The following ZNF219 variants were observed in gnomAD, a reference collection of about 807,000 sequenced individuals.
ZNF219 encodes zinc finger protein 219.
A neutral mutation model predicts 54.4 loss-of-function variants in ZNF219; 17 were observed. That is an observed-to-expected ratio of 0.31 (90% CI 0.21 to 0.47). The LOEUF (loss-of-function observed/expected upper bound fraction) is 0.47, where lower values mean the gene tolerates loss of function less well. Ranked by LOEUF, ZNF219 falls within the 20% of genes least tolerant of loss-of-function variation. The pLI, the probability that ZNF219 is intolerant of heterozygous loss-of-function variation, is 1.00. For synonymous variants in ZNF219, 518 were observed against 476.4 expected, an observed-to-expected ratio of 1.09 and a Z score of -1.14; for missense variants, 1,014 against 1,062.3, an observed-to-expected ratio of 0.95 and a Z score of 0.63.
chr14:21,100,943 G>C (rs1889591094), upstream of ZNF219: 1 of 163,044 alleles, frequency 6.1e-6, no homozygotes, highest in Non-Finnish European at 1.3e-5. Flanking sequence ...TGAGGGTAAT[G>C]AGAAATGGGA....
chr14:21,093,208 G>A lies in ZNF219; in HGVS notation c.89C>T (p.Ser30Phe), dbSNP rs1189016881. The A allele has an allele frequency of 1.2e-6, 2 of 1,606,360 alleles. No individual in the cohort carries two copies. Among genetic ancestry groups the A allele is most frequent in the Non-Finnish European group, 1.7e-6 (2 of 1,179,448 alleles). ...FDGELDLQRY[S>F]NGPAVSAGSL... ...CCCTGCGCTCACGGCTGGCCCGTTG[G>A]AGTATCGCTGCAGATCCAGCTCGCC... Residue 30 changes from serine (S) to phenylalanine (F), a missense_variant, in exon 3 of 5, where the codon TCC becomes TTC. By Grantham distance (155) the Ser-to-Phe change is radical. Coordinates refer to ENST00000360947, the MANE Select transcript of ZNF219 (RefSeq NM_016423.3).
chr14:21,094,726 T>TGGGGGGGGGG (rs10687101), intron 1 of ZNF219, among the ~76,000 whole-genome samples: 5 of 5,896 alleles, frequency 8.5e-4, no homozygotes, highest in South Asian at 4.4e-3. Context: ...GGATAGGGGT[T>TGGGGGGGGGG]GGGGGGGGGG....
intron 3 of ZNF219, 143 bp downstream of exon 3, chr14:21,091,722 C>A: frequency 6.9e-7 from 1 of 1,441,702 alleles, no homozygotes; most frequent in East Asian, 2.5e-5. Flanking sequence ...GGCAAAGCCT[C>A]CAGGAAAACA....
chr14:21,095,847 T>C (rs1167545913), intron 1 of ZNF219, among the ~76,000 whole-genome samples: 1 of 151,948 alleles, frequency 6.6e-6, no homozygotes, highest in Non-Finnish European at 1.5e-5. Flanking sequence ...TAATAGAAAA[T>C]AGATGTAACT....
At position 21,091,149 on chromosome 14, in the gene ZNF219, AGT is replaced by A. The variant is rs768303164; in HGVS notation, c.1565-11_1565-10del. 32 of 1,594,736 alleles carry A rather than the reference AGT, an allele frequency of 2.0e-5. No individual in the cohort carries two copies. Among genetic ancestry groups the A allele is most frequent in the Non-Finnish European group, 2.7e-5 (32 of 1,175,518 alleles). On this transcript the variant is annotated splice_polypyrimidine_tract_variant and intron_variant, in intron 4 of 4. Transcript: ENST00000360947. ...CTTGTAGGGCCGCTCGCCTGGGGAG[AGT>A]GGGTGCGATAGGGTCACGGGGTCAC...
chr14:21,090,555 A>C lies in ZNF219; in HGVS notation c.2150T>G (p.Leu717Arg), dbSNP rs768440730. Residue 717 changes from leucine (L) to arginine (R), a missense_variant, in exon 5 of 5, where the codon CTG (leucine) becomes CGG (arginine). Physicochemically the swap from Leu to Arg is moderately radical, Grantham distance 102. Around this residue, in one of 5 missense-constraint regions of ZNF219, gnomAD observed 281 missense variants for 271.2 expected, o/e 1.04. Transcript: ENST00000360947. This position sits in a 1 kb window ranked among gnomAD's most constrained non-coding sequence, Gnocchi z 4.4. Reference protein sequence around the residue: ...SGLSRPGEAGLGGQER With the variant: ...SGLSRPGEAGRGGQER ...GGCCCACTACCGTTCTTGCCCCCCC[A>C]GCCCTGCCTCTCCGGGTCTGGACAG... The C allele has an allele frequency of 6.9e-6, 11 of 1,599,220 alleles. No individual in the cohort carries two copies. In the South Asian group the frequency reaches 9.9e-5, roughly 14 times the overall value.
upstream of ZNF219, chr14:21,103,567 C>T (rs1428984695): frequency 6.3e-6 from 2 of 315,636 alleles, no homozygotes; most frequent in African/African-American, 2.2e-5. Context: ...CACTCCAAAT[C>T]CCGGACCCTG....
chr14:21,092,573 A>C lies in ZNF219; in HGVS notation c.724T>G (p.Ser242Ala). The C allele has an allele frequency of 6.5e-7, 1 of 1,547,040 alleles. No individual in the cohort carries two copies. The highest frequency in any genetic ancestry group is 8.7e-7 in the Non-Finnish European group (1 of 1,146,476). Residue 242 changes from serine to alanine, a missense_variant, in exon 3 of 5, where the codon TCA becomes GCA. Physicochemically the swap from Ser to Ala is moderately conservative, Grantham distance 99 (BLOSUM62 1). Around this residue, in one of 5 missense-constraint regions of ZNF219, gnomAD observed 395 missense variants for 415.1 expected, o/e 0.95. Transcript: ENST00000360947. ...PQPPPQPEPR[S>A]VPQPEPEPEP... ...GGCTCCGGCTCCGGCTGGGGGACTGATCTGGGTTCGGGCTGGGGTGGAGGC... is the reference window on the plus strand; with the variant it reads ...GGCTCCGGCTCCGGCTGGGGGACTGCTCTGGGTTCGGGCTGGGGTGGAGGC...
upstream of ZNF219, chr14:21,103,045 G>A (rs1889746476): frequency 2.6e-6 from 4 of 1,537,878 alleles, no homozygotes; most frequent in Admixed American, 3.9e-5. Context: ...TGGGAAACAG[G>A]ATAGAAAATT....
chr14:21,094,533 A>G (rs1371934819), intron 1 of ZNF219: 3 of 391,960 alleles, frequency 7.7e-6, no homozygotes, highest in African/African-American at 6.4e-5. Flanking sequence ...GGAGGATTAC[A>G]CTGGCTCTGA....
At chr14:21,093,387 G>A in intron 2 of ZNF219, 97 bp from the exon 3 acceptor site, 1 of 1,491,938 alleles carries the variant, frequency 6.7e-7, no homozygotes, top group Non-Finnish European at 8.9e-7. Context: ...CACGAGGGAA[G>A]GTGGGCTGGG....
chr14:21,093,102 G>T lies in ZNF219; in HGVS notation c.195C>A (p.Arg65=). Residue 65 remains arginine (R), a synonymous_variant, in exon 3 of 5, where the codon CGC becomes CGA. Transcript: ENST00000360947. ...AAGCAAGGATAGAGTTGAAGCGGAA[G>T]CGCTTCCCGCATACAGGGCAGGGGA... ...RRFPCPVCGK[R]FRFNSILALH... is the part of the protein sequence containing the mutation. The T allele has an allele frequency of 6.2e-7, 1 of 1,608,310 alleles. No homozygotes were observed.
At chr14:21,100,189 G>A (rs191417332), upstream of ZNF219, among the ~76,000 whole-genome samples, 32 of 152,090 alleles carry the variant, frequency 2.1e-4, no homozygotes, top group Admixed American at 9.8e-4. Flanking sequence ...ATTGTGAGAC[G>A]ACCCTGTCTC....
rs1374459654 is a variant in ZNF219 at position 21,092,544 on chromosome 14, C to T, written c.753G>A (p.Glu251=). The part of the protein sequence containing the change: ...RSVPQPEPEP[E]PEREATPTPA... The stretch of plus-strand genomic sequence containing the variant: ...GGGTCGGGGTTGCCTCACGTTCGGG[C>T]TCCGGCTCCGGCTCCGGCTGGGGGA... The change falls in exon 3 of 5, where the codon GAG becomes GAA. Residue 251 remains glutamate (E), a synonymous_variant. Coordinates refer to ENST00000360947, the MANE Select transcript of ZNF219 (RefSeq NM_016423.3). 14 of 1,545,866 alleles carry T rather than the reference C, an allele frequency of 9.1e-6. No individual in the cohort carries two copies. In the East Asian group the frequency reaches 2.9e-4, roughly 32 times the overall value.
Position 21,092,287 on chromosome 14 carries a change from G to T in ZNF219, c.1010C>A (p.Ala337Asp). 1 of 1,510,314 alleles carries T rather than the reference G, an allele frequency of 6.6e-7. No homozygotes were observed. The highest frequency in any genetic ancestry group is 8.8e-7 in the Non-Finnish European group (1 of 1,131,412). 93.6% of individuals were successfully genotyped at this position (1,510,314 alleles called of 1,614,324 possible). The change falls in exon 3 of 5, where the codon GCC becomes GAC. Residue 337 changes from alanine to aspartate, a missense_variant. Ala to Asp is a moderately radical substitution (Grantham distance 126). Transcript: ENST00000360947. ...KLGPLRAPGPASGPARAPQPP... is the reference protein window; with the variant it reads ...KLGPLRAPGPDSGPARAPQPP... ...CTGGGGGGCGCGGGCAGGCCCGGAG[G>T]CAGGCCCCGGGGCACGCAGTGGGCC...
chr14:21,091,589 C>G, intron 3 of ZNF219, 47 bp from the exon 4 acceptor site: 1 of 1,564,116 alleles, frequency 6.4e-7, no homozygotes, highest in South Asian at 1.2e-5. Context: ...CACACCCTGT[C>G]CAGGTGCCGC....
rs759452161 is a variant in ZNF219, at chr14:21,091,530, A to C, written c.1445T>G (p.Leu482Arg). 6.2e-7 allele frequency: 1 copy of C among 1,602,170 alleles called. No individual in the cohort carries two copies. Among genetic ancestry groups the C allele is most frequent in the South Asian group, 1.1e-5 (1 of 90,816 alleles). Residue 482 changes from leucine to arginine, a missense_variant, in exon 4 of 5, where the codon CTG (leucine) becomes CGG (arginine). Coordinates refer to ENST00000360947, the MANE Select transcript of ZNF219 (RefSeq NM_016423.3). ...TTCAGGCCGGGTCCCTCCAACCAAC[A>C]GCCCATTCTCTTCTGCAACACATAC... ...RSTATQEENG[L>R]LVGGTRPEGG...
At chr14:21,093,386 A>T in intron 2 of ZNF219, 96 bp from the exon 3 acceptor site, 1 of 1,496,670 alleles carries the variant, frequency 6.7e-7, no homozygotes, top group South Asian at 1.3e-5. Context: ...ACACGAGGGA[A>T]GGTGGGCTGG....
At chr14:21,099,077 C>G, upstream of ZNF219, 2 of 277,840 alleles carry the variant, frequency 7.2e-6, no homozygotes, top group Non-Finnish European at 1.4e-5. Flanking sequence ...TTTAATGGCT[C>G]TTCAATACAA....
Sources: gnomAD v4.1 joint callset for allele counts (sites outside exome capture counted in the v4.1 genomes callset) on GRCh38, gnomAD v4.1.1 for gene constraint, gnomAD v4.1.1 regional missense constraint, Gnocchi (gnomAD v3.1) non-coding constraint, MANE v1.5 for transcripts, NCBI Gene and HGNC (gene_info 2026-07-23, HGNC 2026-07-21) for gene names.